Variants in PPM1J observed in about 807,000 individuals in gnomAD.
PPM1J encodes protein phosphatase, Mg2+/Mn2+ dependent 1J.
A neutral mutation model predicts 53.3 loss-of-function variants in PPM1J; 43 were observed. The ratio of observed to expected loss-of-function variants is 0.81; its 90% CI spans 0.63 to 1.04. PPM1J has a LOEUF of 1.04. Ranked by LOEUF, PPM1J falls within the 50% of genes least tolerant of loss-of-function variation. The probability of loss-of-function intolerance (pLI) is 0.00; values close to 1 mark genes in which losing one functional copy is unlikely to be tolerated. For missense variants in PPM1J, 635 were observed against 685.9 expected (o/e 0.93, Z 0.83); for synonymous variants, 267 against 286.4 (o/e 0.93, Z 0.68).
At chr1:112,714,159 A>G in intron 1 of PPM1J, 1 of 996,328 alleles carries the variant, frequency 1.0e-6, no homozygotes, top group Non-Finnish European at 1.2e-6. Context: ...GTAGAAGTGA[A>G]AGCCCACCTG....
chr1:112,715,099 G>A lies in PPM1J; in HGVS notation c.203C>T (p.Ser68Phe). The A allele has an allele frequency of 6.4e-7, 1 of 1,562,258 alleles. No homozygotes were observed. Among genetic ancestry groups the A allele is most frequent in the Middle Eastern group, 1.7e-4 (1 of 5,888 alleles). ...GCTCAGCTGCAGAAAGGTCGGTCTGGAGAAGCTCGCTCGAGCCTCAACAGC... is the reference window on the plus strand; with the variant it reads ...GCTCAGCTGCAGAAAGGTCGGTCTGAAGAAGCTCGCTCGAGCCTCAACAGC... ...AKAVEARASF[S>F]RPTFLQLSPG... is the part of the protein sequence containing the mutation. Residue 68 changes from serine to phenylalanine, a missense_variant, in exon 1 of 10, where the codon TCC becomes TTC. Physicochemically the swap from Ser to Phe is radical, Grantham distance 155. Transcript: ENST00000309276. This position sits in a 1 kb window ranked among gnomAD's most constrained non-coding sequence, Gnocchi z 4.4.
chr1:112,715,038 G>C lies in PPM1J; in HGVS notation c.264C>G (p.Gly88=). The change falls in exon 1 of 10, where the codon GGC becomes GGG. Residue 88 remains glycine, a synonymous_variant. Transcript: ENST00000309276. The surrounding 1 kb of genome is among the most constrained non-coding windows in gnomAD (Gnocchi z 4.4). Reference sequence around the variant, plus strand: ...TGTCCGGGGGGCTTTGCACAGCCCGGCCCGCGTGGTCATCGGCGCGTCGCA... The same window carrying C: ...TGTCCGGGGGGCTTTGCACAGCCCGCCCCGCGTGGTCATCGGCGCGTCGCA... ...GGLRRADDHA[G]RAVQSPPDTG... 1 of 1,527,482 alleles carries C rather than the reference G, an allele frequency of 6.5e-7. No individual in the cohort carries two copies. Among genetic ancestry groups the C allele is most frequent in the Non-Finnish European group, 8.7e-7 (1 of 1,146,040 alleles). The allele number at this position is 1,527,482 out of a possible 1,614,324, so 94.6% of individuals were successfully genotyped here.
intron 1 of PPM1J, chr1:112,714,334 G>A: frequency 7.1e-6 from 7 of 985,512 alleles, no homozygotes; most frequent in Non-Finnish European, 8.4e-6. Flanking sequence ...CACACAGCCC[G>A]GGGGCCAGCC....
chr1:112,712,123 A>G (rs112520504), intron 4 of PPM1J, 68 bp from the exon 5 acceptor site: 12 of 1,324,156 alleles, frequency 9.1e-6, no homozygotes, highest in South Asian at 5.2e-5. Context: ...AATTCCAGAA[A>G]GACCAGGCCC....
At position 112,715,291 on chromosome 1, in the gene PPM1J, C is replaced by G; in HGVS notation, c.11G>C (p.Arg4Pro). Residue 4 changes from arginine to proline, a missense_variant, in exon 1 of 10, where the codon CGG becomes CCG. Arg to Pro is a moderately radical substitution (Grantham distance 103, BLOSUM62 -2). Coordinates refer to ENST00000309276, the MANE Select transcript of PPM1J (RefSeq NM_005167.7). This position sits in a 1 kb window ranked among gnomAD's most constrained non-coding sequence, Gnocchi z 4.4. MLN[R>P]VRSAVAHLVS... ...CAGGTGCGCCACGGCCGAGCGCACC[C>G]GGTTTAGCATGCTGCCTCCCTGCCC... 3.1e-6 allele frequency: 4 copies of G among 1,306,680 alleles called. No homozygotes were observed. Among genetic ancestry groups the G allele is most frequent in the Non-Finnish European group, 3.9e-6 (4 of 1,030,240 alleles). 80.9% of individuals were successfully genotyped at this position (1,306,680 alleles called of 1,614,324 possible).
Position 112,710,258 on chromosome 1 carries a change from C to T in PPM1J, c.1423G>A (p.Asp475Asn). The change falls in exon 10 of 10, where the codon GAC becomes AAC. Residue 475 changes from aspartate to asparagine, a missense_variant. Coordinates refer to ENST00000309276, the MANE Select transcript of PPM1J (RefSeq NM_005167.7). ...TTGTTGGGGAGACGCCAGCCACGGT[C>T]TCGGGGGGTACCCCGGGCCCCCAGG... ...LVLGARGTPR[D>N]RGWRLPNNKL... 2 of 1,602,360 alleles carry T rather than the reference C, an allele frequency of 1.2e-6. No individual in the cohort carries two copies. Among genetic ancestry groups the T allele is most frequent in the South Asian group, 1.1e-5 (1 of 89,748 alleles).
intron 6 of PPM1J, 31 bp from the exon 7 acceptor site, chr1:112,711,102 C>T: frequency 1.2e-6 from 2 of 1,603,636 alleles, no homozygotes; most frequent in Non-Finnish European, 8.5e-7. Flanking sequence ...GAGGCATCAC[C>T]CAGGCATCAA....
At chr1:112,711,861 A>G in intron 5 of PPM1J, 110 bp downstream of exon 5, 1 of 738,120 alleles carries the variant, frequency 1.4e-6, no homozygotes, top group Non-Finnish European at 2.2e-6. Context: ...CTTCCCAGTA[A>G]AGTGCTTTCT....
chr1:112,710,204 C>A lies in PPM1J; in HGVS notation c.1477G>T (p.Val493Phe). The A allele has an allele frequency of 6.3e-7, 1 of 1,581,466 alleles. No individual in the cohort carries two copies. Among genetic ancestry groups the A allele is most frequent in the Non-Finnish European group, 8.5e-7 (1 of 1,169,660 alleles). Residue 493 changes from valine (V) to phenylalanine (F), a missense_variant, in exon 10 of 10, where the codon GTC (valine) becomes TTC (phenylalanine). By Grantham distance (50) the Val-to-Phe change is conservative (BLOSUM62 -1). Transcript: ENST00000309276. Reference sequence around the variant, plus strand: ...GGCCCTCCCAGGGGGATGACGAAGACAGAGATGTCATCCCCGGAACCCAGC... The same window carrying A: ...GGCCCTCCCAGGGGGATGACGAAGAAAGAGATGTCATCCCCGGAACCCAGC... ...NKLGSGDDIS[V>F]FVIPLGGPGS...
chr1:112,714,946 C>T, intron 1 of PPM1J, 30 bp downstream of exon 1: 1 of 1,352,638 alleles, frequency 7.4e-7, no homozygotes, highest in Non-Finnish European at 9.5e-7. Context: ...GGAGCCCCAT[C>T]CTGGTTTGGG....
At chr1:112,712,266 T>A in intron 4 of PPM1J, 79 bp downstream of exon 4, 1 of 1,212,468 alleles carries the variant, frequency 8.2e-7, no homozygotes, top group South Asian at 1.4e-5. Flanking sequence ...TTTTAACCCC[T>A]GCCACCTTAC....
intron 1 of PPM1J, chr1:112,714,364 T>A: frequency 1.0e-6 from 1 of 985,352 alleles, no homozygotes; most frequent in African/African-American, 1.7e-5. Context: ...GGGCAGGGGG[T>A]CCGCTTCTTT....
chr1:112,710,724 G>T lies in PPM1J; in HGVS notation c.1218+20C>A. Reference sequence around the variant, plus strand: ...GCCTGAGACTCCCAGAGAAGGCAAGGTGTGGTTTAAGGGGCTCACCTCAGG... The same window carrying T: ...GCCTGAGACTCCCAGAGAAGGCAAGTTGTGGTTTAAGGGGCTCACCTCAGG... On this transcript the variant is annotated intron_variant, in intron 8 of 9. Coordinates refer to ENST00000309276, the MANE Select transcript of PPM1J (RefSeq NM_005167.7). 1 of 1,613,174 alleles carries T rather than the reference G, an allele frequency of 6.2e-7. No homozygotes were observed.
At chr1:112,712,237 G>T in intron 4 of PPM1J, 108 bp downstream of exon 4, 1 of 1,025,556 alleles carries the variant, frequency 9.8e-7, no homozygotes, top group Non-Finnish European at 1.5e-6. Flanking sequence ...CACCCCTCTT[G>T]ACTCCCTCCA....
rs756532261 is a variant in PPM1J, at chr1:112,712,989, CT to C, written c.483del (p.Gly163AlafsTer19). ...GAGGCCATTTCAGCAGCTCCGCCCCCTGCATGCCCATCAAATAGGCCCCAGT... is the reference window on the plus strand; with the variant it reads ...GAGGCCATTTCAGCAGCTCCGCCCCCGCATGCCCATCAAATAGGCCCCAGT... Reference protein sequence around the residue: ...FYYWGLFDGHAGGGAAEMASR... With the variant: ...FYYWGLFDGHXGGGAAEMASR... On this transcript the variant is annotated frameshift_variant, in exon 3 of 10. Transcript: ENST00000309276. LOFTEE classifies it high-confidence loss of function. The C allele has an allele frequency of 7.2e-5, 116 of 1,611,716 alleles. No homozygotes were observed. The highest frequency in any genetic ancestry group is 9.4e-5 in the Non-Finnish European group (111 of 1,178,868).
At chr1:112,711,884 G>A in intron 5 of PPM1J, 87 bp downstream of exon 5, 4 of 881,256 alleles carry the variant, frequency 4.5e-6, no homozygotes, top group East Asian at 2.6e-5. Context: ...GCCTGTGGTG[G>A]GGGTGTGAGA....
intron 3 of PPM1J, 66 bp from the exon 4 acceptor site, chr1:112,712,523 C>G: frequency 7.2e-7 from 1 of 1,394,924 alleles, no homozygotes; most frequent in Non-Finnish European, 1.0e-6. Flanking sequence ...CACCCTCCCC[C>G]TACCCCCTCC....
At position 112,713,617 on chromosome 1, in the gene PPM1J, A is replaced by C; in HGVS notation, c.327-6T>G. Reference sequence around the variant, plus strand: ...TCTTGCCAGCATTGATGACCCTGCCAGGCCAGAATGACCACATCAGGTTGG... The same window carrying C: ...TCTTGCCAGCATTGATGACCCTGCCCGGCCAGAATGACCACATCAGGTTGG... On this transcript the variant is annotated splice_region_variant and splice_polypyrimidine_tract_variant and intron_variant, in intron 1 of 9. Transcript: ENST00000309276. 1.9e-6 allele frequency: 3 copies of C among 1,610,922 alleles called. No homozygotes were observed. The highest frequency in any genetic ancestry group is 2.5e-6 in the Non-Finnish European group (3 of 1,177,100).
In PPM1J at chr1:112,710,175, G is replaced by T. The variant is rs1675022944; in HGVS notation, c.1506C>A (p.Gly502=). The T allele has an allele frequency of 6.4e-7, 1 of 1,567,320 alleles. No homozygotes were observed. The highest frequency in any genetic ancestry group is 8.6e-7 in the Non-Finnish European group (1 of 1,160,974). The change falls in exon 10 of 10, where the codon GGC becomes GGA. Residue 502 remains glycine, a synonymous_variant. Coordinates refer to ENST00000309276, the MANE Select transcript of PPM1J (RefSeq NM_005167.7). ...GGTGTTCAGCCCCTCAGGAGTAACT[G>T]CCTGGCCCTCCCAGGGGGATGACGA... is the stretch of plus-strand genomic sequence containing the variant. ...SVFVIPLGGP[G]SYS
Sources: allele counts gnomAD v4.1 joint callset, GRCh38; gene constraint gnomAD v4.1.1; non-coding constraint Gnocchi (gnomAD v3.1); transcripts MANE v1.5; gene names NCBI Gene and HGNC (gene_info 2026-07-23, HGNC 2026-07-21).